The following REXO2 variants were observed in gnomAD, a reference collection of about 807,000 sequenced individuals.
REXO2 encodes RNA exonuclease 2, also known as oligoribonuclease, mitochondrial.
REXO2 carries 17 observed loss-of-function variants against 30.9 expected under a neutral mutation model. The observed-to-expected ratio is 0.55, with a 90% CI of 0.38 to 0.82. REXO2 has a LOEUF of 0.82. Ranked by LOEUF, REXO2 falls within the 40% of genes least tolerant of loss-of-function variation. The pLI is 0.00. For synonymous variants in REXO2, 105 were observed against 99.6 expected (o/e 1.05, Z -0.32); for missense variants, 253 against 293.2 (o/e 0.86, Z 1.00).
intron 6 of REXO2, 45 bp downstream of exon 6, chr11:114,447,924 T>C: frequency 1.4e-6 from 2 of 1,472,780 alleles, no homozygotes; most frequent in African/African-American, 1.4e-5. Context: ...GACACACACT[T>C]AACTCCCAAA....
At chr11:114,439,756 A>G in intron 1 of REXO2, 81 bp downstream of exon 1, 7 of 1,400,156 alleles carry the variant, frequency 5.0e-6, no homozygotes, top group Admixed American at 6.1e-5. Flanking sequence ...GTCCTGGGAG[A>G]GCGTTGGGGG....
intron 4 of REXO2, chr11:114,445,512 G>A (rs1019461707): frequency 6.5e-6 from 1 of 154,272 alleles, no homozygotes; most frequent in Non-Finnish European, 1.4e-5. Flanking sequence ...TTAAAATTTA[G>A]TGTTTTTAGT....
intron 1 of REXO2, chr11:114,440,004 T>C: frequency 4.0e-6 from 2 of 495,266 alleles, no homozygotes; most frequent in Admixed American, 6.0e-5. Context: ...GGGCAGCGGC[T>C]CTGTTCCCAG....
intron 1 of REXO2, chr11:114,440,216 C>T (rs1203043744): frequency 6.7e-6 from 3 of 444,696 alleles, no homozygotes; most frequent in Admixed American, 2.6e-5. Context: ...TTTCCATGCC[C>T]GAAACAAGGG....
chr11:114,440,129 G>C (rs1219292045), intron 1 of REXO2: 1 of 464,814 alleles, frequency 2.2e-6, no homozygotes, highest in Middle Eastern at 3.2e-4. Context: ...CCCACAGAAA[G>C]GATTCAACTC....
At chr11:114,444,304 C>G in intron 3 of REXO2, 1 of 622,832 alleles carries the variant, frequency 1.6e-6, no homozygotes, top group Middle Eastern at 2.6e-4. Context: ...CTTTGAACAC[C>G]GTCTTTTTTG....
chr11:114,444,746 C>T (rs1946502086), intron 4 of REXO2, 94 bp downstream of exon 4: 8 of 677,952 alleles, frequency 1.2e-5, no homozygotes, highest in Non-Finnish European at 1.8e-5. Flanking sequence ...CCATCCATGT[C>T]TTCCACTTAA....
intron 3 of REXO2, 105 bp downstream of exon 3, chr11:114,444,038 T>A (rs552343297): frequency 2.4e-6 from 2 of 827,362 alleles, no homozygotes; most frequent in Non-Finnish European, 4.1e-6. Flanking sequence ...TTAAAAAGGC[T>A]TAGAGAAGAT....
chr11:114,445,256 C>T (rs753180716), intron 4 of REXO2: 3 of 152,040 alleles, frequency 2.0e-5, no homozygotes, highest in Middle Eastern at 3.2e-3. Flanking sequence ...TTATTTTTCC[C>T]CTGTGTCATT....
At chr11:114,444,212 G>T in intron 3 of REXO2, 1 of 609,826 alleles carries the variant, frequency 1.6e-6, no homozygotes, top group Non-Finnish European at 3.1e-6. Flanking sequence ...TTTTGGATAA[G>T]GTTAGACATC....
chr11:114,447,199 T>A (rs1946515295), intron 5 of REXO2, among the ~76,000 whole-genome samples: 1 of 152,126 alleles, frequency 6.6e-6, no homozygotes, highest in Non-Finnish European at 1.5e-5. Flanking sequence ...GTGCTGGGAT[T>A]ACAGGCGTGA....
intron 1 of REXO2, chr11:114,440,105 T>C (rs370557798): frequency 2.8e-5 from 13 of 467,022 alleles, no homozygotes; most frequent in African/African-American, 2.4e-4. Flanking sequence ...ATTCCATAAG[T>C]GAGAACATTG....
rs756730398 is a variant in REXO2, at chr11:114,446,064, G to T, written c.507G>T (p.Val169=). 1 of 1,596,496 alleles carries T rather than the reference G, an allele frequency of 6.3e-7. No individual in the cohort carries two copies. Among genetic ancestry groups the T allele is most frequent in the East Asian group, 2.2e-5 (1 of 44,638 alleles). ...MKHLHYRIID[V]STVKELCRRW... is the part of the protein sequence containing the mutation. ...ATCTTCATTATAGAATAATTGATGTGAGCACTGTTAAAGAACTGTGCAGGT... is the reference window on the plus strand; with the variant it reads ...ATCTTCATTATAGAATAATTGATGTTAGCACTGTTAAAGAACTGTGCAGGT... The change falls in exon 5 of 7, where the codon GTG becomes GTT. Residue 169 remains valine (V), a synonymous_variant. Transcript: ENST00000265881.
intron 4 of REXO2, 40 bp from the exon 5 acceptor site, chr11:114,445,939 C>T (rs1269748567): frequency 9.4e-7 from 1 of 1,061,476 alleles, no homozygotes; most frequent in East Asian, 2.4e-5. Context: ...TTGTATAATA[C>T]TAGAAATATA....
intron 2 of REXO2, chr11:114,441,651 A>T (rs1946478736): frequency 1.5e-6 from 1 of 683,272 alleles, no homozygotes; most frequent in African/African-American, 1.8e-5. Flanking sequence ...AGTCTTGTTA[A>T]AATAAGTTCC....
At chr11:114,442,216 TAA>T (rs1239013519) in intron 2 of REXO2, among the ~76,000 whole-genome samples, 2 of 151,996 alleles carry the variant, frequency 1.3e-5, no homozygotes, top group African/African-American at 2.4e-5. Context: ...TATTCTTTTA[TAA>T]GAGTCTGAGA....
rs544061533 is a variant in REXO2, at chr11:114,440,901, T to A, written c.231+162T>A. 116 of 499,650 alleles carry A rather than the reference T, an allele frequency of 2.3e-4. No homozygotes were observed. In the East Asian group the frequency reaches 3.5e-3, roughly 15 times the overall value. The allele number at this position is 499,650 out of a possible 1,614,324, so 31.0% of individuals were successfully genotyped here. On this transcript the variant is annotated intron_variant, in intron 2 of 6. Coordinates refer to ENST00000265881, the MANE Select transcript of REXO2 (RefSeq NM_015523.4). The stretch of plus-strand genomic sequence containing the variant: ...AGGGGTGGTACTAGAACCAAAGTAA[T>A]CCATCTCACAGCCTAGTGAAAATTA...
rs11824976 is a variant in REXO2 at position 114,448,181 on chromosome 11, G to C, written c.584+302G>C. Among the ~76,000 whole-genome samples, 1,160 of 152,224 alleles carry C rather than the reference G, an allele frequency of 7.6e-3. 15 individuals are homozygous for C. The highest frequency in any genetic ancestry group is 0.027 in the African/African-American group (1,117 of 41,548). ...CCGTGTTAACTTTCTTCCCACAGAA[G>C]ATATGGACTTGCAGCCTTTTGAAAT... On this transcript the variant is annotated intron_variant, in intron 6 of 6. Transcript: ENST00000265881.
chr11:114,447,740 C>T, intron 5 of REXO2, 86 bp from the exon 6 acceptor site: 1 of 1,137,056 alleles, frequency 8.8e-7, no homozygotes, highest in African/African-American at 1.6e-5. Context: ...ATGCCATTTT[C>T]AATGTTAATG....
Sources: allele counts gnomAD v4.1 joint callset (sites outside exome capture counted in the v4.1 genomes callset), GRCh38; gene constraint gnomAD v4.1.1; transcripts MANE v1.5; gene names NCBI Gene and HGNC (gene_info 2026-07-23, HGNC 2026-07-21).